NCK2: variants seen among roughly 807,000 people sequenced by gnomAD.
The protein encoded by NCK2 is cytoplasmic protein NCK2.
In NCK2, 16 loss-of-function variants were observed where a neutral mutation model predicts 33.9. The observed-to-expected ratio is 0.47, with a 90% CI of 0.32 to 0.72. The LOEUF (loss-of-function observed/expected upper bound fraction) is 0.72, where lower values mean the gene tolerates loss of function less well. Ranked by LOEUF, NCK2 falls within the 30% of genes least tolerant of loss-of-function variation. The pLI, the probability that NCK2 is intolerant of heterozygous loss-of-function variation, is 0.03. For synonymous variants in NCK2, 273 were observed against 239.9 expected, an observed-to-expected ratio of 1.14 and a Z score of -1.27; for missense variants, 418 against 537.3, an observed-to-expected ratio of 0.78 and a Z score of 2.19.
chr2:105,776,286 C>T (rs927199653), intron 1 of NCK2, among the ~76,000 whole-genome samples: 1 of 152,248 alleles, frequency 6.6e-6, no homozygotes, highest in African/African-American at 2.4e-5. Flanking sequence ...AGTTTCTTAC[C>T]TTTTGCCCTT....
At chr2:105,846,119 G>A (rs887448397) in intron 2 of NCK2, among the ~76,000 whole-genome samples, 1 of 152,142 alleles carries the variant, frequency 6.6e-6, no homozygotes, top group African/African-American at 2.4e-5. Context: ...TCCTCCCAGT[G>A]TGATTAGTGT....
chr2:105,825,239 C>T (rs894534628), intron 2 of NCK2, among the ~76,000 whole-genome samples: 7 of 152,266 alleles, frequency 4.6e-5, no homozygotes, highest in Admixed American at 1.3e-4. Context: ...GCAGACAGGA[C>T]CTGGGCATCT....
intron 2 of NCK2, among the ~76,000 whole-genome samples, chr2:105,828,424 C>A (rs926647285): frequency 1.3e-5 from 2 of 152,144 alleles, no homozygotes; most frequent in Non-Finnish European, 2.9e-5. Context: ...AAAAATGGCA[C>A]TGACCACAAG....
rs1025739190 is a variant in NCK2, at chr2:105,752,013, A to G, written c.-201+6875A>G. Among the ~76,000 whole-genome samples, 3 of 152,364 alleles carry G rather than the reference A, an allele frequency of 2.0e-5. No individual in the cohort carries two copies. In the East Asian group the frequency reaches 5.8e-4, roughly 29 times the overall value. On this transcript the variant is annotated intron_variant, in intron 1 of 4. Coordinates refer to ENST00000233154, the MANE Select transcript of NCK2 (RefSeq NM_003581.5). ...AAACTCTATGTGTAATCAACATAAA[A>G]TGTAATTAATAAGATAACTCATATT...
chr2:105,800,411 C>T (rs950190080), intron 1 of NCK2, among the ~76,000 whole-genome samples: 11 of 152,204 alleles, frequency 7.2e-5, no homozygotes, highest in Admixed American at 6.5e-4. Context: ...AAATGATTGC[C>T]ATTAGCATTC....
At chr2:105,768,075 T>G (rs1037744422) in intron 1 of NCK2, among the ~76,000 whole-genome samples, 2 of 152,210 alleles carry the variant, frequency 1.3e-5, no homozygotes, top group Non-Finnish European at 2.9e-5. Context: ...GATGTGTAAC[T>G]TCACCTCTCC....
At chr2:105,787,935 C>G (rs745955753) in intron 1 of NCK2, among the ~76,000 whole-genome samples, 1 of 151,726 alleles carries the variant, frequency 6.6e-6, no homozygotes, top group Non-Finnish European at 1.5e-5. Context: ...ATCCCTGGCC[C>G]ATTGGCAGAA....
intron 1 of NCK2, among the ~76,000 whole-genome samples, chr2:105,780,355 C>T (rs2104400692): frequency 6.7e-6 from 1 of 149,520 alleles, no homozygotes; most frequent in East Asian, 1.9e-4. Context: ...CACACACACA[C>T]ACACACACAT....
At chr2:105,827,681 T>C (rs1014305850) in intron 2 of NCK2, among the ~76,000 whole-genome samples, 1 of 152,238 alleles carries the variant, frequency 6.6e-6, no homozygotes, top group Non-Finnish European at 1.5e-5. Context: ...TAGAATTTCT[T>C]CTTTTTGCTT....
In NCK2 at chr2:105,893,256, C is replaced by T. The variant is rs1679072103; in HGVS notation, c.*80C>T. 11 of 1,363,570 alleles carry T rather than the reference C, an allele frequency of 8.1e-6. No homozygotes were observed. The Admixed American group carries it at 2.1e-4, about 27-fold the overall frequency. 84.5% of individuals were successfully genotyped at this position (1,363,570 alleles called of 1,614,324 possible). A position where few individuals can be genotyped will look rare whatever the true frequency, so the allele number is the denominator to read the frequency against. On this transcript the variant is annotated 3_prime_UTR_variant, in exon 5 of 5. Transcript: ENST00000233154. ...GGCCTTGTGGCAGAGGCTCCTCCCG[C>T]GGGGACGGCCCCGACGGCTTCTCTG...
At chr2:105,817,853 T>C (rs913347354) in intron 2 of NCK2, among the ~76,000 whole-genome samples, 21 of 152,104 alleles carry the variant, frequency 1.4e-4, no homozygotes, top group African/African-American at 5.1e-4. Context: ...AGTTCAACCA[T>C]TGTGGAAGAC....
intron 1 of NCK2, among the ~76,000 whole-genome samples, chr2:105,752,231 C>T (rs1328647715): frequency 6.6e-6 from 1 of 151,980 alleles, no homozygotes; most frequent in Non-Finnish European, 1.5e-5. Context: ...GTTGAGATAG[C>T]TAAAGAGACA....
intron 1 of NCK2, among the ~76,000 whole-genome samples, chr2:105,794,606 C>T (rs928520849): frequency 2.0e-5 from 3 of 152,180 alleles, no homozygotes; most frequent in African/African-American, 7.2e-5. Context: ...TAATTCCTCT[C>T]TGTACTTAAG....
chr2:105,866,558 A>C (rs1221599721), intron 3 of NCK2, among the ~76,000 whole-genome samples: 1 of 152,234 alleles, frequency 6.6e-6, no homozygotes, highest in African/African-American at 2.4e-5. Context: ...TAGATGCTCA[A>C]AAGGAGCTCA....
intron 1 of NCK2, among the ~76,000 whole-genome samples, chr2:105,781,875 G>A (rs1432332045): frequency 6.6e-6 from 1 of 152,220 alleles, no homozygotes; most frequent in African/African-American, 2.4e-5. Flanking sequence ...GAATGAACTG[G>A]TATACGTGCA....
intron 1 of NCK2, among the ~76,000 whole-genome samples, chr2:105,769,191 C>T (rs1558828327): frequency 1.3e-5 from 2 of 152,094 alleles, no homozygotes; most frequent in South Asian, 4.1e-4. Context: ...GCTTTAGGAG[C>T]TCTATGCCAG....
chr2:105,837,126 T>G (rs1041000151), intron 2 of NCK2, among the ~76,000 whole-genome samples: 4 of 152,092 alleles, frequency 2.6e-5, no homozygotes, highest in African/African-American at 9.7e-5. Context: ...CCTCGGAGGG[T>G]CTTGTTGCTT....
intron 4 of NCK2, among the ~76,000 whole-genome samples, chr2:105,882,471 TTTG>T (rs1364336881): frequency 6.2e-4 from 95 of 152,312 alleles, no homozygotes; most frequent in African/African-American, 2.2e-3. Flanking sequence ...GACACCTCCT[TTTG>T]TTGTTTGCTT....
At chr2:105,762,156 A>C (rs4851845) in intron 1 of NCK2, among the ~76,000 whole-genome samples, 47,383 of 152,086 alleles carry the variant, frequency 0.31, 7,927 homozygotes, top group East Asian at 0.47. Context: ...GGTTTTCCTT[A>C]GAAGAAGCTT....
Sources: gnomAD v4.1 joint callset for allele counts (sites outside exome capture counted in the v4.1 genomes callset) on GRCh38, gnomAD v4.1.1 for gene constraint, MANE v1.5 for transcripts, NCBI Gene and HGNC (gene_info 2026-07-23, HGNC 2026-07-21) for gene names.